PDXDC1: variants seen among roughly 807,000 people sequenced by gnomAD.
PDXDC1 encodes pyridoxal-dependent decarboxylase domain-containing protein 1.
In PDXDC1, 42 loss-of-function variants were observed where a neutral mutation model predicts 100.1. The observed-to-expected ratio is 0.42, with a 90% CI of 0.33 to 0.54. The LOEUF (loss-of-function observed/expected upper bound fraction) is 0.54. PDXDC1 is among the 20% of genes least tolerant of loss of function. The pLI is 0.10. For synonymous variants in PDXDC1, 260 were observed against 371.7 expected (o/e 0.70, Z 3.46); for missense variants, 636 against 979.2 (o/e 0.65, Z 4.68).
intron 1 of PDXDC1, among the ~76,000 whole-genome samples, chr16:14,977,811 A>T (rs1311124348): frequency 2.5e-4 from 38 of 152,378 alleles, no homozygotes; most frequent in Middle Eastern, 3.4e-3. Context: ...ATATAAACTC[A>T]AGAGCTATGT....
chr16:15,128,683 G>A (rs1027219804), intron 16 of PDXDC1, among the ~76,000 whole-genome samples: 7 of 152,004 alleles, frequency 4.6e-5, no homozygotes, highest in Non-Finnish European at 8.8e-5. Context: ...CTGCACACCT[G>A]TCCACGCCTC....
chr16:15,084,923 A>G (rs944900885), intron 16 of PDXDC1, among the ~76,000 whole-genome samples: 11 of 152,044 alleles, frequency 7.2e-5, no homozygotes, highest in African/African-American at 2.4e-4. Flanking sequence ...AAAATTAGCC[A>G]GGCATGGTGG....
intron 1 of PDXDC1, among the ~76,000 whole-genome samples, chr16:14,981,834 CT>C (rs60018596): frequency 3.2e-4 from 47 of 149,046 alleles, no homozygotes; most frequent in South Asian, 4.2e-4. Flanking sequence ...TCTTTTGTTT[CT>C]TTTTTTTTTT....
At chr16:15,123,976 T>C (rs2151897508) in intron 16 of PDXDC1, among the ~76,000 whole-genome samples, 1 of 151,778 alleles carries the variant, frequency 6.6e-6, no homozygotes, top group Non-Finnish European at 1.5e-5. Flanking sequence ...GATGTCCTTA[T>C]CTATATCATC....
At chr16:15,069,296 C>T (rs1180211334) in intron 16 of PDXDC1, among the ~76,000 whole-genome samples, 2 of 152,052 alleles carry the variant, frequency 1.3e-5, no homozygotes, top group Admixed American at 1.3e-4. Flanking sequence ...GAGGACAGCC[C>T]CCGACGATGA....
At chr16:14,991,526 A>ATTTT (rs1168644641) in intron 1 of PDXDC1, among the ~76,000 whole-genome samples, 4,620 of 135,428 alleles carry the variant, frequency 0.034, 18 homozygotes, top group African/African-American at 0.079. Context: ...TATTTTGTCT[A>ATTTT]TTTTTTTTTT....
rs752445234 is a variant in PDXDC1 at position 15,125,822 on chromosome 16, C to A, written c.1400-13057C>A. ...CTCCCAGCCACCTGCAGGACGACAG[C>A]AGTGGTCAGCGGGCGGCAGCTCAGA... On this transcript the variant is annotated intron_variant, in intron 16 of 16. Coordinates refer to the PDXDC1 transcript ENST00000535621. The A allele has an allele frequency of 2.4e-4, 243 of 1,018,970 alleles. 1 individual carries two copies. Among genetic ancestry groups the A allele is most frequent in the East Asian group, 1.1e-3 (44 of 41,172 alleles). 63.1% of individuals were successfully genotyped at this position (1,018,970 alleles called of 1,614,324 possible). A position where few individuals can be genotyped will look rare whatever the true frequency, so the allele number is the denominator to read the frequency against.
Position 14,986,173 on chromosome 16 carries a change from TA to T in PDXDC1, c.21+10954del, listed in dbSNP as rs1969324515. Among the ~76,000 whole-genome samples the T allele has an allele frequency of 2.6e-5, 4 of 152,148 alleles. No homozygotes were observed. In the South Asian group the frequency reaches 8.3e-4, roughly 32 times the overall value. On this transcript the variant is annotated intron_variant, in intron 1 of 22. Coordinates refer to ENST00000396410, the MANE Select transcript of PDXDC1 (RefSeq NM_015027.4). ...GGCTTGTTTTATAAAATGAGCTAAC[TA>T]TTAAAGTCTCAGTTCTGGCTGGGTG...
At chr16:15,054,838 C>T (rs775327437) in intron 16 of PDXDC1, among the ~76,000 whole-genome samples, 10 of 152,190 alleles carry the variant, frequency 6.6e-5, no homozygotes, top group Non-Finnish European at 1.5e-4. Context: ...CAATAGAGAA[C>T]AAACAAGCAA....
rs941358066 is a variant in PDXDC1, at chr16:15,056,786, A to C, written c.1399+26730A>C. On this transcript the variant is annotated intron_variant, in intron 16 of 16. Transcript: ENST00000535621. ...GGACACTCTGTTTCTGAAAATAATA[A>C]AAATAAATGTAAACGGTCTTAAACT... is the stretch of plus-strand genomic sequence containing the variant. Among the ~76,000 whole-genome samples the C allele has an allele frequency of 3.3e-5, 5 of 152,222 alleles. No individual in the cohort carries two copies. The South Asian group carries it at 1.0e-3, about 32-fold the overall frequency.
intron 16 of PDXDC1, chr16:15,130,894 G>A (rs544066713): frequency 0.022 from 15,750 of 719,610 alleles, 221 homozygotes; most frequent in Non-Finnish European, 0.03. Context: ...GGGCCTGAAA[G>A]GCCATAGGAG....
intron 16 of PDXDC1, among the ~76,000 whole-genome samples, chr16:15,119,417 G>C (rs2102495): frequency 5.1e-5 from 7 of 137,908 alleles, no homozygotes; most frequent in Non-Finnish European, 9.3e-5. Flanking sequence ...AATTTTTTTT[G>C]TTTTTTTTTT....
chr16:15,144,422 G>A, the PDXDC1 span, among the ~76,000 whole-genome samples: 9 of 152,194 alleles, frequency 5.9e-5, no homozygotes, highest in African/African-American at 2.2e-4. Context: ...TGGGCAGACG[G>A]CTGCTGGCTC....
chr16:15,109,902 C>A (rs1241380467), intron 16 of PDXDC1, among the ~76,000 whole-genome samples: 1 of 142,332 alleles, frequency 7.0e-6, no homozygotes, highest in East Asian at 2.0e-4. Flanking sequence ...GCCTCTAATC[C>A]CAGCACTTTG....
chr16:15,024,806 G>T (rs1406203917), intron 13 of PDXDC1, among the ~76,000 whole-genome samples: 1 of 152,294 alleles, frequency 6.6e-6, no homozygotes, highest in Non-Finnish European at 1.5e-5. Flanking sequence ...GCCACCCTAA[G>T]ATCATCTCCC....
At chr16:15,044,057 T>C (rs1221360801) in intron 16 of PDXDC1, among the ~76,000 whole-genome samples, 1 of 152,236 alleles carries the variant, frequency 6.6e-6, no homozygotes, top group Non-Finnish European at 1.5e-5. Context: ...GGAGGGTGGC[T>C]CTGCTTTCAC....
intron 16 of PDXDC1, chr16:15,086,378 A>G: frequency 1.9e-6 from 3 of 1,613,748 alleles, no homozygotes; most frequent in South Asian, 1.1e-5. Flanking sequence ...TATAATACTG[A>G]TAAGTTGCTC....
chr16:15,131,451 G>A (rs2048053984), intron 16 of PDXDC1: 6 of 1,608,224 alleles, frequency 3.7e-6, no homozygotes, highest in African/African-American at 1.3e-5. Context: ...AGGGGATGGA[G>A]AAGTGGCAGC....
At chr16:14,998,053 T>C (rs532905353) in intron 2 of PDXDC1, among the ~76,000 whole-genome samples, 1 of 152,294 alleles carries the variant, frequency 6.6e-6, no homozygotes, top group Non-Finnish European at 1.5e-5. Context: ...AAGAGTTTCA[T>C]TTACTTAATA....
Sources: gnomAD v4.1 joint callset for allele counts (sites outside exome capture counted in the v4.1 genomes callset) on GRCh38, gnomAD v4.1.1 for gene constraint, MANE v1.5 for transcripts, NCBI Gene and HGNC (gene_info 2026-07-23, HGNC 2026-07-21) for gene names.